CLCNKB: variants seen among roughly 807,000 people sequenced by gnomAD.
CLCNKB encodes chloride channel protein ClC-Kb.
Under a neutral mutation model 83.8 loss-of-function variants are expected in CLCNKB, and 74 were observed. The ratio of observed to expected loss-of-function variants is 0.88; its 90% confidence interval spans 0.73 to 1.07. The LOEUF (loss-of-function observed/expected upper bound fraction) is 1.07. Among genes scored for constraint, CLCNKB ranks in the 50% least tolerant of loss-of-function variants. CLCNKB has a pLI of 0.00. For missense variants in CLCNKB, 798 were observed against 893.6 expected (o/e 0.89, Z 1.36); for synonymous variants, 358 against 356.6 (o/e 1.00, Z -0.04).
At position 16,045,556 on chromosome 1, in the gene CLCNKB, A is replaced by G; in HGVS notation, c.101-2A>G. ...GTGCCGTGACCCCATGCCCTGCCCC[A>G]GGTGGCCTGGAGTGGCTGAAGCAGA... is the stretch of plus-strand genomic sequence containing the variant. On this transcript the variant is annotated splice_acceptor_variant, in intron 2 of 19. Coordinates refer to ENST00000375679, the MANE Select transcript of CLCNKB (RefSeq NM_000085.5). LOFTEE classifies it high-confidence loss of function. 2 of 1,613,326 alleles carry G rather than the reference A, an allele frequency of 1.2e-6. No homozygotes were observed. Among genetic ancestry groups the G allele is most frequent in the Admixed American group, 1.7e-5 (1 of 59,998 alleles).
intron 2 of CLCNKB, 66 bp from the exon 3 acceptor site, chr1:16,045,492 C>T: frequency 6.3e-7 from 1 of 1,595,536 alleles, no homozygotes; most frequent in Non-Finnish European, 8.6e-7. Context: ...CCCAGCAGGC[C>T]TCCAAGGATG....
chr1:16,049,510 T>C lies in CLCNKB; in HGVS notation c.782-108T>C, dbSNP rs559202469. On this transcript the variant is annotated intron_variant, in intron 8 of 19. Coordinates refer to ENST00000375679, the MANE Select transcript of CLCNKB (RefSeq NM_000085.5). ...GGGGCCTGGAATGCCAGGACACAGA[T>C]TCCGAGTCAGGACCTGGCACCCCCT... is the stretch of plus-strand genomic sequence containing the variant. The C allele has an allele frequency of 8.6e-4, 1,242 of 1,450,284 alleles. 4 individuals carry two copies. The highest frequency in any genetic ancestry group is 1.1e-3 in the Non-Finnish European group (1,124 of 1,054,542). 89.8% of individuals were successfully genotyped at this position (1,450,284 alleles called of 1,614,324 possible).
At chr1:16,045,746 T>TGCCAGGTGGATGTC in intron 3 of CLCNKB, 60 bp downstream of exon 3, 2 of 1,371,860 alleles carry the variant, frequency 1.5e-6, no homozygotes, top group Non-Finnish European at 2.0e-6. Flanking sequence ...TCTCTGGGGA[T>TGCCAGGTGGATGTC]GCCAGGTGGA....
chr1:16,048,528 C>T lies in CLCNKB; in HGVS notation c.601C>T (p.Leu201=). Reference sequence around the variant, plus strand: ...GAACAAGAGCAAGCAAAACGAAATGCTGGTGGCAGCGGCGGCAGTGGGCGT... The same window carrying T: ...GAACAAGAGCAAGCAAAACGAAATGTTGGTGGCAGCGGCGGCAGTGGGCGT... The part of the protein sequence containing the change: ...PENKSKQNEM[L]VAAAAVGVAT... Residue 201 remains leucine (L), a synonymous_variant, in exon 7 of 20, where the codon CTG becomes TTG. Transcript: ENST00000375679. 1 of 1,613,386 alleles carries T rather than the reference C, an allele frequency of 6.2e-7. No homozygotes were observed. The highest frequency in any genetic ancestry group is 2.2e-5 in the East Asian group (1 of 44,852).
Position 16,056,522 on chromosome 1 carries a change from G to A in CLCNKB, c.2016+14G>A, listed in dbSNP as rs753559692. On this transcript the variant is annotated intron_variant, in intron 19 of 19. Transcript: ENST00000375679. The stretch of plus-strand genomic sequence containing the variant: ...TCCTGGGTGGAGGTACCAGGGTCCC[G>A]GGGGCAGAGCAAAGCAGGGAACCTA... 2.0e-5 allele frequency: 32 copies of A among 1,595,592 alleles called. No individual in the cohort carries two copies. Among genetic ancestry groups the A allele is most frequent in the African/African-American group, 6.6e-5 (4 of 60,650 alleles).
chr1:16,052,090 G>A (rs559087396), intron 14 of CLCNKB, 108 bp from the exon 15 acceptor site: 3 of 1,397,106 alleles, frequency 2.1e-6, no homozygotes, highest in African/African-American at 2.9e-5. Flanking sequence ...CCCAGGCTGT[G>A]GCCTCTTACA....
At position 16,053,705 on chromosome 1, in the gene CLCNKB, A is replaced by G. The variant is rs185493054; in HGVS notation, c.1689A>G (p.Pro563=). ...TCACCACACTGGCCAAGGACATGCC[A>G]CTGGAGGAGGTGGTCAAGGTTGTGA... is the stretch of plus-strand genomic sequence containing the variant. The part of the protein sequence containing the change: ...HSITTLAKDM[P]LEEVVKVVTS... Residue 563 remains proline (P), a synonymous_variant, in exon 16 of 20, where the codon CCA becomes CCG. Transcript: ENST00000375679. 1.3e-4 allele frequency: 208 copies of G among 1,613,902 alleles called. No homozygotes were observed. Among genetic ancestry groups the G allele is most frequent in the Admixed American group, 9.0e-4 (54 of 60,008 alleles).
At chr1:16,048,129 T>C in intron 5 of CLCNKB, 85 bp downstream of exon 5, 1 of 1,526,034 alleles carries the variant, frequency 6.6e-7, no homozygotes, top group Non-Finnish European at 8.9e-7. Context: ...GAAAGCTGCG[T>C]CAGAGGGGAC....
chr1:16,055,820 G>A, intron 18 of CLCNKB, 62 bp downstream of exon 18: 1 of 1,506,496 alleles, frequency 6.6e-7, no homozygotes, highest in Non-Finnish European at 9.2e-7. Context: ...GAGCTGATGA[G>A]GAGCTCACGC....
chr1:16,056,746 A>G, intron 19 of CLCNKB, 123 bp from the exon 20 acceptor site: 1 of 993,916 alleles, frequency 1.0e-6, no homozygotes, highest in Non-Finnish European at 1.6e-6. Context: ...CATCTGTGCA[A>G]TGGGGTGGCA....
chr1:16,045,790 CT>C, intron 3 of CLCNKB, 104 bp downstream of exon 3: 6 of 862,498 alleles, frequency 7.0e-6, no homozygotes, highest in South Asian at 1.4e-5. Flanking sequence ...GGGGGGGGTG[CT>C]CTGGGTGGGG....
At position 16,052,357 on chromosome 1, in the gene CLCNKB, C is replaced by A; in HGVS notation, c.1568C>A (p.Thr523Asn). ...TGCCAGCCCTCCTTCTATGATGGCACCGTCATTGTCAAGAAGCTGCCATAC... is the reference window on the plus strand; with the variant it reads ...TGCCAGCCCTCCTTCTATGATGGCAACGTCATTGTCAAGAAGCTGCCATAC... ...QSCQPSFYDG[T>N]VIVKKLPYLP... Residue 523 changes from threonine to asparagine, a missense_variant, in exon 15 of 20, where the codon ACC becomes AAC. Transcript: ENST00000375679. 1 of 1,613,232 alleles carries A rather than the reference C, an allele frequency of 6.2e-7. No homozygotes were observed. The highest frequency in any genetic ancestry group is 1.1e-5 in the South Asian group (1 of 91,078).
rs12059889 is a variant in CLCNKB at position 16,048,767 on chromosome 1, C to T, written c.655+185C>T. On this transcript the variant is annotated intron_variant, in intron 7 of 19. Coordinates refer to ENST00000375679, the MANE Select transcript of CLCNKB (RefSeq NM_000085.5). The stretch of plus-strand genomic sequence containing the variant: ...GAGGGGGGGCGGGTGACTTGATTGG[C>T]GGTGCTAAGAGGCTTCAGTGTAACA... The T allele has an allele frequency of 2.7e-5, 39 of 1,469,316 alleles. No individual in the cohort carries two copies. The African/African-American group carries it at 3.7e-4, about 14-fold the overall frequency. 91.0% of individuals were successfully genotyped at this position (1,469,316 alleles called of 1,614,324 possible).
rs770967038 is a variant in CLCNKB, at chr1:16,051,567, G to A, written c.1297+20G>A. 6.2e-7 allele frequency: 1 copy of A among 1,613,694 alleles called. No homozygotes were observed. The highest frequency in any genetic ancestry group is 1.7e-5 in the Admixed American group (1 of 60,002). On this transcript the variant is annotated intron_variant, in intron 13 of 19. Transcript: ENST00000375679. ...TCTATGGTGAGTCTGGGGTCCTGAG[G>A]TTCTGAGAGTTTCGGGGTTCTTGGG...
At chr1:16,055,828 C>G in intron 18 of CLCNKB, 70 bp downstream of exon 18, 1 of 1,449,680 alleles carries the variant, frequency 6.9e-7, no homozygotes, top group South Asian at 1.2e-5. Flanking sequence ...GAGGAGCTCA[C>G]GCTCCAGCCT....
chr1:16,053,685 A>C lies in CLCNKB; in HGVS notation c.1669A>C (p.Thr557Pro), dbSNP rs145798229. Residue 557 changes from threonine to proline, a missense_variant, in exon 16 of 20, where the codon ACA (threonine) becomes CCA (proline). By Grantham distance (38) the Thr-to-Pro change is conservative. Coordinates refer to ENST00000375679, the MANE Select transcript of CLCNKB (RefSeq NM_000085.5). ...VEHFMNHSIT[T>P]LAKDMPLEEV... ...GCACTTCATGAACCACAGCATCACC[A>C]CACTGGCCAAGGACATGCCACTGGA... 1.4e-4 allele frequency: 230 copies of C among 1,613,816 alleles called. 2 individuals carry two copies. The highest frequency in any genetic ancestry group is 4.8e-4 in the Admixed American group (29 of 59,990).
intron 5 of CLCNKB, 108 bp from the exon 6 acceptor site, chr1:16,048,235 G>GGGTGGGAC (rs2023162084): frequency 2.0e-6 from 3 of 1,496,368 alleles, no homozygotes; most frequent in African/African-American, 2.8e-5. Context: ...ACGGCCGTGG[G>GGGTGGGAC]GGCTTGGGAG....
rs945688392 is a variant in CLCNKB, at chr1:16,048,200, G to A, written c.499-143G>A. 3.3e-5 allele frequency: 47 copies of A among 1,436,272 alleles called. No individual in the cohort carries two copies. In the African/African-American group the frequency reaches 5.5e-4, roughly 17 times the overall value. The allele number at this position is 1,436,272 out of a possible 1,614,324, so 89.0% of individuals were successfully genotyped here. A position where few individuals can be genotyped will look rare whatever the true frequency, so the allele number is the denominator to read the frequency against. The stretch of plus-strand genomic sequence containing the variant: ...GGGGGAAGAGGCAGGCCAGGTCCCC[G>A]GAGTGTGACAAAAGCCATCTGAGGA... On this transcript the variant is annotated intron_variant, in intron 5 of 19. Coordinates refer to ENST00000375679, the MANE Select transcript of CLCNKB (RefSeq NM_000085.5).
At position 16,055,675 on chromosome 1, in the gene CLCNKB, C is replaced by T. The variant is rs769313182; in HGVS notation, c.1846C>T (p.Gln616Ter). 5 of 1,613,794 alleles carry T rather than the reference C, an allele frequency of 3.1e-6. No homozygotes were observed. The highest frequency in any genetic ancestry group is 3.3e-5 in the Admixed American group (2 of 60,032). ...ACCTGTAACCCTTCCCCACCCCCAG[C>T]AGTGTCTCCAGGACATCTTGGCTGC... ...EPPSWAPGHQ[Q>*]CLQDILAAGC... The change falls in exon 18 of 20, where the codon CAG (glutamine) becomes TAG (stop). Residue 616 changes from glutamine (Q) to a stop codon, truncating the protein, a stop_gained and splice_region_variant. Transcript: ENST00000375679. LOFTEE classifies it high-confidence loss of function.
Sources: allele counts gnomAD v4.1 joint callset, GRCh38; gene constraint gnomAD v4.1.1; transcripts MANE v1.5; gene names NCBI Gene and HGNC (gene_info 2026-07-23, HGNC 2026-07-21).